Variants in NOL4 observed in about 807,000 individuals in gnomAD.
NOL4 encodes cancer/testis antigen 125.
A neutral mutation model predicts 75.9 loss-of-function variants in NOL4; 17 were observed. The observed-to-expected ratio is 0.22, with a 90% CI of 0.15 to 0.34. NOL4 has a LOEUF of 0.34. NOL4 is among the 10% of genes least tolerant of loss of function. The pLI is 1.00. For synonymous variants in NOL4, 292 were observed against 289.9 expected (o/e 1.01, Z -0.07); for missense variants, 614 against 793.5 (o/e 0.77, Z 2.72).
At chr18:34,202,711 T>C (rs531175461) in intron 1 of NOL4, among the ~76,000 whole-genome samples, 1 of 152,132 alleles carries the variant, frequency 6.6e-6, no homozygotes, top group East Asian at 1.9e-4. Context: ...GACAGTTATC[T>C]TCAAATCCAC....
intron 9 of NOL4, among the ~76,000 whole-genome samples, chr18:33,906,598 G>A (rs1465796312): frequency 6.6e-6 from 1 of 152,186 alleles, no homozygotes; most frequent in African/African-American, 2.4e-5. Flanking sequence ...AATGGGTGTT[G>A]TATCTTCGGA....
intron 9 of NOL4, among the ~76,000 whole-genome samples, chr18:33,889,799 T>C (rs1261102974): frequency 6.6e-6 from 1 of 152,108 alleles, no homozygotes; most frequent in Non-Finnish European, 1.5e-5. Context: ...CATGATTATA[T>C]CAATAGATGC....
At position 33,958,338 on chromosome 18, in the gene NOL4, G is replaced by A. The variant is rs190341573; in HGVS notation, c.1137C>T (p.Asn379=). ...VDRGAEDLSL[N]RGDEDEDDHE... ...GGTCATCTTCGTCCTCATCTCCCCTGTTTAGTGAGAGGTCCTCAGCTCCTC... is the reference window on the plus strand; with the variant it reads ...GGTCATCTTCGTCCTCATCTCCCCTATTTAGTGAGAGGTCCTCAGCTCCTC... Residue 379 remains asparagine (N), a synonymous_variant, in exon 7 of 11, where the codon AAC becomes AAT. Coordinates refer to ENST00000261592, the MANE Select transcript of NOL4 (RefSeq NM_003787.5). 4.6e-5 allele frequency: 73 copies of A among 1,586,864 alleles called. No individual in the cohort carries two copies. Among genetic ancestry groups the A allele is most frequent in the African/African-American group, 2.1e-4 (15 of 71,732 alleles).
At chr18:34,026,254 G>C (rs2144580657) in intron 5 of NOL4, among the ~76,000 whole-genome samples, 1 of 152,284 alleles carries the variant, frequency 6.6e-6, no homozygotes, top group African/African-American at 2.4e-5. Context: ...GACAAAGAGA[G>C]AATGCCTGGT....
intron 6 of NOL4, among the ~76,000 whole-genome samples, chr18:33,975,197 G>T (rs564483385): frequency 2.5e-4 from 38 of 152,256 alleles, no homozygotes; most frequent in African/African-American, 8.4e-4. Flanking sequence ...TGTTTAATGG[G>T]TATAGTGTTT....
intron 9 of NOL4, among the ~76,000 whole-genome samples, chr18:33,904,415 TA>T (rs1568038600): frequency 6.6e-6 from 1 of 151,898 alleles, no homozygotes; most frequent in Non-Finnish European, 1.5e-5. Flanking sequence ...AAAAAAACCT[TA>T]AAAACTTAGT....
At chr18:34,206,348 T>G (rs2036122869) in intron 1 of NOL4, among the ~76,000 whole-genome samples, 1 of 152,156 alleles carries the variant, frequency 6.6e-6, no homozygotes, top group South Asian at 2.1e-4. Flanking sequence ...TTATAATTTC[T>G]TTTGGTCTTT....
At chr18:33,863,274 G>T (rs532525612) in intron 10 of NOL4, among the ~76,000 whole-genome samples, 31 of 152,204 alleles carry the variant, frequency 2.0e-4, no homozygotes, top group Non-Finnish European at 3.1e-4. Context: ...ACTGTTGTGG[G>T]GTAGGGGAAG....
chr18:34,076,509 A>G (rs1351504872), intron 5 of NOL4, among the ~76,000 whole-genome samples: 1 of 152,176 alleles, frequency 6.6e-6, no homozygotes, highest in Non-Finnish European at 1.5e-5. Context: ...AAGAACGATG[A>G]AAATGATATT....
rs376573400 is a variant in NOL4, at chr18:33,853,038, A to G, written c.1724-3T>C. 3.2e-6 allele frequency: 5 copies of G among 1,584,506 alleles called. No homozygotes were observed. The African/African-American group carries it at 6.8e-5, about 22-fold the overall frequency. ...CTTCATGCTGAGATCAGTGGGTCCT[A>G]GAAAGAAAATCATCACAAAATTAGA... is the stretch of plus-strand genomic sequence containing the variant. On this transcript the variant is annotated splice_region_variant and splice_polypyrimidine_tract_variant and intron_variant, in intron 10 of 10. Transcript: ENST00000261592.
At chr18:34,072,221 T>C (rs1330406808) in intron 5 of NOL4, among the ~76,000 whole-genome samples, 3 of 151,946 alleles carry the variant, frequency 2.0e-5, no homozygotes, top group Non-Finnish European at 2.9e-5. Context: ...CGAGACTCCA[T>C]CTCAAAAAAC....
At chr18:34,179,662 T>A (rs953591628) in intron 1 of NOL4, among the ~76,000 whole-genome samples, 16 of 151,652 alleles carry the variant, frequency 1.1e-4, no homozygotes, top group African/African-American at 3.9e-4. Flanking sequence ...CTAATTGCTA[T>A]GGCCTAAATA....
chr18:33,855,085 C>A (rs2062781758), intron 10 of NOL4, among the ~76,000 whole-genome samples: 1 of 151,986 alleles, frequency 6.6e-6, no homozygotes, highest in Non-Finnish European at 1.5e-5. Context: ...TGGCTTTTTT[C>A]AGATCTGCAG....
intron 9 of NOL4, among the ~76,000 whole-genome samples, chr18:33,917,098 A>T (rs1474639110): frequency 6.6e-6 from 1 of 152,196 alleles, no homozygotes; most frequent in Non-Finnish European, 1.5e-5. Context: ...AACTATCAGC[A>T]AGGTAATTAA....
intron 6 of NOL4, among the ~76,000 whole-genome samples, chr18:34,012,438 T>A (rs1421796668): frequency 6.6e-6 from 1 of 151,894 alleles, no homozygotes; most frequent in Admixed American, 6.6e-5. Context: ...TAAAAAAATG[T>A]ATCCAGTAAT....
At chr18:34,119,664 C>T (rs1461943811) in intron 2 of NOL4, among the ~76,000 whole-genome samples, 1 of 152,082 alleles carries the variant, frequency 6.6e-6, no homozygotes. Context: ...CTCTGTCGCC[C>T]ACGCTGGAGT....
At chr18:34,112,142 G>A (rs894739711) in intron 2 of NOL4, among the ~76,000 whole-genome samples, 5 of 152,154 alleles carry the variant, frequency 3.3e-5, no homozygotes, top group African/African-American at 9.7e-5. Context: ...GCTGAGGCAG[G>A]TGAATCACCA....
intron 1 of NOL4, 107 bp from the exon 2 acceptor site, chr18:34,130,127 A>T (rs1377913953): frequency 5.5e-6 from 6 of 1,095,456 alleles, no homozygotes; most frequent in East Asian, 5.9e-5. Context: ...CAACAAAATC[A>T]TCTATATAGG....
Position 34,129,909 on chromosome 18 carries a change from T to G in NOL4, c.376A>C (p.Ile126Leu). 6.3e-7 allele frequency: 1 copy of G among 1,596,728 alleles called. No homozygotes were observed. Among genetic ancestry groups the G allele is most frequent in the East Asian group, 2.3e-5 (1 of 44,096 alleles). Residue 126 changes from isoleucine to leucine, a missense_variant, in exon 2 of 11, where the codon ATT becomes CTT. Physicochemically the swap from Ile to Leu is conservative, Grantham distance 5 (BLOSUM62 2). This residue lies in a region of NOL4 where 135 missense variants were observed against 220.4 expected (regional missense o/e 0.61). Coordinates refer to ENST00000261592, the MANE Select transcript of NOL4 (RefSeq NM_003787.5). ...HVETGPNGEQ[I>L]RKHAGQKRTY... ...CTCTTTTGTCCAGCGTGTTTCCGAA[T>G]TTGTTCTCCATTTGGCCCCGTTTCC...
Sources: allele counts gnomAD v4.1 joint callset (sites outside exome capture counted in the v4.1 genomes callset), GRCh38; gene constraint gnomAD v4.1.1; regional missense constraint gnomAD v4.1.1; transcripts MANE v1.5; gene names NCBI Gene and HGNC (gene_info 2026-07-23, HGNC 2026-07-21).